Variants in GRIN2B observed in about 807,000 individuals in gnomAD.
GRIN2B encodes glutamate ionotropic receptor NMDA type subunit 2B.
GRIN2B carries 5 observed loss-of-function variants against 114.5 expected under a neutral mutation model. That is an observed-to-expected ratio of 0.04 (90% CI 0.02 to 0.09). GRIN2B has a LOEUF of 0.09. Among genes scored for constraint, GRIN2B ranks in the 10% least tolerant of loss-of-function variants. GRIN2B has a pLI of 1.00. For synonymous variants in GRIN2B, 787 were observed against 745.1 expected (o/e 1.06, Z -0.92); for missense variants, 1,108 against 1,943.5 (o/e 0.57, Z 8.08).
chr12:13,927,010 A>G (rs1035604377), intron 2 of GRIN2B, among the ~76,000 whole-genome samples: 10 of 152,096 alleles, frequency 6.6e-5, no homozygotes, highest in African/African-American at 1.9e-4. Flanking sequence ...GGGGATGTAA[A>G]TGTGTATGGA....
At chr12:13,793,062 C>T (rs1044693384) in intron 3 of GRIN2B, among the ~76,000 whole-genome samples, 8 of 152,306 alleles carry the variant, frequency 5.3e-5, no homozygotes, top group African/African-American at 9.6e-5. Flanking sequence ...GCATTTGTCA[C>T]GTCTGTAATT....
chr12:13,915,449 T>C (rs1053102729), intron 2 of GRIN2B, among the ~76,000 whole-genome samples: 3 of 152,124 alleles, frequency 2.0e-5, no homozygotes, highest in Admixed American at 2.0e-4. Flanking sequence ...AAGCTGTGCC[T>C]CCTGGGTCTG....
intron 5 of GRIN2B, among the ~76,000 whole-genome samples, chr12:13,640,223 C>G (rs1049014175): frequency 2.0e-5 from 3 of 151,900 alleles, no homozygotes; most frequent in African/African-American, 7.3e-5. Context: ...TGTATTCCAG[C>G]CTGGATGACA....
intron 2 of GRIN2B, among the ~76,000 whole-genome samples, chr12:13,936,553 G>A (rs1867133372): frequency 6.6e-6 from 1 of 152,162 alleles, no homozygotes; most frequent in Admixed American, 6.5e-5. Context: ...AAAAGTTCAA[G>A]GTGATCAGCC....
chr12:13,852,000 C>A (rs1368856233), intron 3 of GRIN2B, among the ~76,000 whole-genome samples: 1 of 152,146 alleles, frequency 6.6e-6, no homozygotes, highest in Admixed American at 6.5e-5. Context: ...TCCTGGGAAG[C>A]CTGTTGCCCT....
intron 4 of GRIN2B, among the ~76,000 whole-genome samples, chr12:13,698,710 T>A (rs891504003): frequency 2.6e-5 from 4 of 151,944 alleles, no homozygotes; most frequent in African/African-American, 9.7e-5. Context: ...TGAGACAGAG[T>A]TTCTCTCTGT....
chr12:13,934,143 T>C (rs1019823595), intron 2 of GRIN2B, among the ~76,000 whole-genome samples: 12 of 152,236 alleles, frequency 7.9e-5, no homozygotes, highest in Non-Finnish European at 1.3e-4. Context: ...TAGCTAATCT[T>C]GGCAGCTGAT....
At chr12:13,941,254 T>C (rs1867245570) in intron 2 of GRIN2B, among the ~76,000 whole-genome samples, 2 of 152,172 alleles carry the variant, frequency 1.3e-5, no homozygotes, top group Admixed American at 6.5e-5. Context: ...TTGATACTCC[T>C]TTATGTTCCC....
chr12:13,671,003 A>G (rs1950017389), intron 5 of GRIN2B, among the ~76,000 whole-genome samples: 1 of 152,138 alleles, frequency 6.6e-6, no homozygotes, highest in Non-Finnish European at 1.5e-5. Flanking sequence ...GTATTTTCAG[A>G]GGAGTACATA....
At chr12:13,751,473 G>A (rs532411731) in intron 4 of GRIN2B, among the ~76,000 whole-genome samples, 14 of 152,290 alleles carry the variant, frequency 9.2e-5, no homozygotes, top group Middle Eastern at 3.4e-3. Context: ...AAACAAGAAC[G>A]GCATTCCAGA....
intron 2 of GRIN2B, among the ~76,000 whole-genome samples, chr12:13,895,054 T>A (rs1191600101): frequency 1.3e-5 from 2 of 152,234 alleles, no homozygotes; most frequent in African/African-American, 4.8e-5. Context: ...ATGTACTTTG[T>A]GTAATTTTTG....
intron 2 of GRIN2B, among the ~76,000 whole-genome samples, chr12:13,953,475 C>T (rs1284068113): frequency 6.6e-6 from 1 of 152,178 alleles, no homozygotes; most frequent in Non-Finnish European, 1.5e-5. Context: ...TGTCCCCCAT[C>T]CCTTCTCTTT....
At chr12:13,912,421 C>T (rs1453112995) in intron 2 of GRIN2B, among the ~76,000 whole-genome samples, 1 of 152,146 alleles carries the variant, frequency 6.6e-6, no homozygotes, top group African/African-American at 2.4e-5. Context: ...GGGTGAACAA[C>T]GCTGAAAGGA....
At chr12:13,929,649 C>T (rs1271086113) in intron 2 of GRIN2B, among the ~76,000 whole-genome samples, 2 of 152,218 alleles carry the variant, frequency 1.3e-5, no homozygotes, top group South Asian at 2.1e-4. Flanking sequence ...CTGTGAACAA[C>T]AGCCTGCCAT....
In GRIN2B at chr12:13,626,200, A is replaced by T. The variant is rs76643394; in HGVS notation, c.1126-9543T>A. Among the ~76,000 whole-genome samples, 1,002 of 152,296 alleles carry T rather than the reference A, an allele frequency of 6.6e-3. 14 individuals are homozygous for T. Among genetic ancestry groups the T allele is most frequent in the Middle Eastern group, 0.02 (6 of 294 alleles). ...ACTGGGTCCCAAACCATCTTCTGGG[A>T]CATGCAGGACACAGTGAGGAACCAC... is the stretch of plus-strand genomic sequence containing the variant. On this transcript the variant is annotated intron_variant, in intron 5 of 13. Transcript: ENST00000609686.
chr12:13,752,145 C>A (rs1301474797), intron 4 of GRIN2B, among the ~76,000 whole-genome samples: 1 of 152,162 alleles, frequency 6.6e-6, no homozygotes, highest in Non-Finnish European at 1.5e-5. Flanking sequence ...ACCCACTCAA[C>A]CTCCACTATA....
At chr12:13,797,099 A>T (rs1234252091) in intron 3 of GRIN2B, among the ~76,000 whole-genome samples, 1 of 152,246 alleles carries the variant, frequency 6.6e-6, no homozygotes, top group Non-Finnish European at 1.5e-5. Context: ...TGGGTAACTT[A>T]CAAGGAACAG....
At chr12:13,901,500 GT>G (rs1866451390) in intron 2 of GRIN2B, among the ~76,000 whole-genome samples, 1 of 152,012 alleles carries the variant, frequency 6.6e-6, no homozygotes, top group Admixed American at 6.6e-5. Context: ...GTAGCCACTT[GT>G]GGCTATTGAG....
intron 3 of GRIN2B, among the ~76,000 whole-genome samples, chr12:13,825,171 C>T (rs1363736658): frequency 2.0e-5 from 3 of 151,762 alleles, no homozygotes; most frequent in Non-Finnish European, 2.9e-5. Flanking sequence ...TTTGTGATTT[C>T]TTTTTTGACT....
Sources: allele counts gnomAD v4.1 joint callset (sites outside exome capture counted in the v4.1 genomes callset), GRCh38; gene constraint gnomAD v4.1.1; transcripts MANE v1.5; gene names NCBI Gene and HGNC (gene_info 2026-07-23, HGNC 2026-07-21).